Variants in PRKN observed in about 807,000 individuals in gnomAD.
PRKN encodes the protein E3 ubiquitin-protein ligase parkin.
A neutral mutation model predicts 59.5 loss-of-function variants in PRKN; 56 were observed. The observed-to-expected ratio is 0.94, with a 90% confidence interval of 0.76 to 1.18. The LOEUF (loss-of-function observed/expected upper bound fraction) is 1.18. PRKN is among the 50% of genes most tolerant of loss of function. PRKN has a pLI of 0.00. For synonymous variants in PRKN, 250 were observed against 222.1 expected (o/e 1.13, Z -1.12); for missense variants, 657 against 596.4 (o/e 1.10, Z -1.06).
chr6:162,304,926 A>G (rs1782155637), intron 2 of PRKN, among the ~76,000 whole-genome samples: 1 of 152,126 alleles, frequency 6.6e-6, no homozygotes, highest in African/African-American at 2.4e-5. Context: ...ATTGGCATTC[A>G]ATTCAAGATA....
At chr6:162,708,925 G>A (rs916679209) in intron 1 of PRKN, among the ~76,000 whole-genome samples, 2 of 152,152 alleles carry the variant, frequency 1.3e-5, no homozygotes, top group Non-Finnish European at 2.9e-5. Context: ...GTATTTACAG[G>A]TGCTCCCTAT....
At chr6:161,492,263 A>G (rs1777587034) in intron 9 of PRKN, among the ~76,000 whole-genome samples, 1 of 152,244 alleles carries the variant, frequency 6.6e-6, no homozygotes, top group South Asian at 2.1e-4. Context: ...TATTCTTGTC[A>G]GATGGATGGC....
At chr6:162,220,202 G>A (rs1777868639) in intron 3 of PRKN, among the ~76,000 whole-genome samples, 1 of 152,108 alleles carries the variant, frequency 6.6e-6, no homozygotes, top group Admixed American at 6.6e-5. Flanking sequence ...AAGACTTAAT[G>A]TAAGACTTCA....
chr6:161,831,274 C>G (rs73785431), intron 6 of PRKN, among the ~76,000 whole-genome samples: 35,692 of 152,218 alleles, frequency 0.23, 4,311 homozygotes, highest in East Asian at 0.31. Flanking sequence ...GTATTAAGAA[C>G]TGACCTCTAT....
chr6:162,334,750 C>T (rs556682708), intron 2 of PRKN, among the ~76,000 whole-genome samples: 1 of 152,254 alleles, frequency 6.6e-6, no homozygotes, highest in South Asian at 2.1e-4. Context: ...TGGCAAAGAT[C>T]TTTGAAAACC....
rs201863358 is a variant in PRKN at position 162,492,447 on chromosome 6, CTCTT to C, written c.8-48978_8-48975del. ...CACAGGTCCCATCCCTGGGCTGAGG[CTCTT>C]TATCGAGGAAAGAAAGAAATGTCCT... On this transcript the variant is annotated intron_variant, in intron 1 of 11. Transcript: ENST00000366898. Among the ~76,000 whole-genome samples the C allele has an allele frequency of 6.4e-3, 972 of 152,270 alleles. 4 individuals are homozygous for C. The highest frequency in any genetic ancestry group is 0.01 in the Admixed American group (155 of 15,302).
chr6:161,856,378 A>AAATAAATAAATAAATG (rs1189270869), intron 6 of PRKN, among the ~76,000 whole-genome samples: 116 of 151,906 alleles, frequency 7.6e-4, no homozygotes, highest in African/African-American at 2.8e-3. Context: ...ATAAATAAAT[A>AAATAAATAAATAAATG]AATAAATAAG....
intron 6 of PRKN, among the ~76,000 whole-genome samples, chr6:161,858,962 A>G (rs796392276): frequency 2.0e-5 from 2 of 102,412 alleles, no homozygotes; most frequent in East Asian, 1.1e-3. Flanking sequence ...CCTGGGTTCA[A>G]GCGATTCTCC....
At chr6:162,287,403 CA>C (rs1315892573) in intron 2 of PRKN, among the ~76,000 whole-genome samples, 1 of 151,874 alleles carries the variant, frequency 6.6e-6, no homozygotes, top group African/African-American at 2.4e-5. Context: ...TCTGTCTCTA[CA>C]AAAAAATATA....
chr6:161,382,195 G>A (rs1396537947), intron 10 of PRKN, among the ~76,000 whole-genome samples: 1 of 150,210 alleles, frequency 6.7e-6, no homozygotes, highest in African/African-American at 2.5e-5. Flanking sequence ...TGAAGATACA[G>A]AGAAACGATA....
At chr6:162,653,362 G>A (rs1212876457) in intron 1 of PRKN, among the ~76,000 whole-genome samples, 2 of 152,006 alleles carry the variant, frequency 1.3e-5, no homozygotes, top group Non-Finnish European at 2.9e-5. Flanking sequence ...GTGTGTCTCT[G>A]TGTGTATAAG....
intron 2 of PRKN, among the ~76,000 whole-genome samples, chr6:162,380,619 G>A (rs1786428770): frequency 6.6e-6 from 1 of 150,848 alleles, no homozygotes; most frequent in Non-Finnish European, 1.5e-5. Flanking sequence ...TCAAGTAGTG[G>A]AAGGAGTTGT....
At chr6:162,293,438 G>C (rs1478422161) in intron 2 of PRKN, among the ~76,000 whole-genome samples, 1 of 152,212 alleles carries the variant, frequency 6.6e-6, no homozygotes, top group Non-Finnish European at 1.5e-5. Context: ...TCCATTCATG[G>C]AGGAGGTGGA....
chr6:161,537,720 G>A (rs934022649), intron 9 of PRKN, among the ~76,000 whole-genome samples: 3 of 152,186 alleles, frequency 2.0e-5, no homozygotes, highest in East Asian at 1.9e-4. Context: ...CAAAGTGCTG[G>A]GATTACAGGC....
intron 9 of PRKN, among the ~76,000 whole-genome samples, chr6:161,513,366 G>A (rs1056265692): frequency 1.3e-5 from 2 of 151,792 alleles, no homozygotes. Context: ...TCAGCCTCCC[G>A]GGTAGCTGGG....
chr6:162,528,068 CG>C (rs1292578701), intron 1 of PRKN, among the ~76,000 whole-genome samples: 6 of 82,914 alleles, frequency 7.2e-5, no homozygotes, highest in African/African-American at 4.8e-4. Flanking sequence ...CGGGGGAGGG[CG>C]GGGGGGCGGG....
chr6:162,353,004 T>C (rs1784688316), intron 2 of PRKN, among the ~76,000 whole-genome samples: 1 of 152,210 alleles, frequency 6.6e-6, no homozygotes, highest in African/African-American at 2.4e-5. Flanking sequence ...TTTCCTATAA[T>C]TTTCAATGCT....
At chr6:162,573,379 G>A (rs934138945) in intron 1 of PRKN, among the ~76,000 whole-genome samples, 2 of 152,112 alleles carry the variant, frequency 1.3e-5, no homozygotes, top group Non-Finnish European at 2.9e-5. Context: ...TCTGTCGTCT[G>A]CAGACTTTCA....
intron 3 of PRKN, among the ~76,000 whole-genome samples, chr6:162,213,072 A>C (rs1243104863): frequency 1.3e-5 from 2 of 152,286 alleles, no homozygotes; most frequent in East Asian, 3.9e-4. Flanking sequence ...TGAAGATATA[A>C]ATTGATAATT....
Sources: gnomAD v4.1 joint callset for allele counts (sites outside exome capture counted in the v4.1 genomes callset) on GRCh38, gnomAD v4.1.1 for gene constraint, MANE v1.5 for transcripts, NCBI Gene and HGNC (gene_info 2026-07-23, HGNC 2026-07-21) for gene names.